Variants in CMSS1 observed in about 807,000 individuals in gnomAD.
CMSS1 encodes the protein cms1 ribosomal small subunit homolog.
Under a neutral mutation model 43.5 loss-of-function variants are expected in CMSS1, and 33 were observed. The ratio of observed to expected loss-of-function variants is 0.76; its 90% CI spans 0.57 to 1.01. The LOEUF is 1.01. Ranked by LOEUF, CMSS1 falls within the 50% of genes least tolerant of loss-of-function variation. The pLI is 0.00. For missense variants in CMSS1, 313 were observed against 326.4 expected (o/e 0.96, Z 0.32); for synonymous variants, 115 against 117.2 (o/e 0.98, Z 0.12).
intron 1 of CMSS1, among the ~76,000 whole-genome samples, chr3:99,894,142 C>T (rs1231237104): frequency 1.3e-5 from 2 of 152,116 alleles, no homozygotes; most frequent in Admixed American, 1.3e-4. Context: ...TGCTTTAAGA[C>T]AATTACAGCT....
intron 1 of CMSS1, among the ~76,000 whole-genome samples, chr3:100,049,113 T>G (rs1337803031): frequency 1.3e-5 from 2 of 152,240 alleles, no homozygotes; most frequent in African/African-American, 4.8e-5. Context: ...GTCTGACAAT[T>G]GCAAACAGTT....
At chr3:99,938,757 T>C (rs1379021115) in intron 1 of CMSS1, among the ~76,000 whole-genome samples, 3 of 152,188 alleles carry the variant, frequency 2.0e-5, no homozygotes, top group Non-Finnish European at 4.4e-5. Flanking sequence ...TAGCGCTCAG[T>C]TGCAGAACAG....
At chr3:99,989,092 T>C (rs1381807274) in intron 1 of CMSS1, among the ~76,000 whole-genome samples, 2 of 152,228 alleles carry the variant, frequency 1.3e-5, no homozygotes, top group Non-Finnish European at 2.9e-5. Flanking sequence ...TGTGATTCAC[T>C]CACAGTTCAT....
intron 1 of CMSS1, among the ~76,000 whole-genome samples, chr3:99,959,113 TA>T (rs1708421602): frequency 6.6e-6 from 1 of 152,236 alleles, no homozygotes; most frequent in South Asian, 2.1e-4. Context: ...ATTCATTGTG[TA>T]AATGTTCAAG....
At chr3:100,135,443 T>TGTGC (rs2066744729) in intron 1 of CMSS1, among the ~76,000 whole-genome samples, 3 of 51,136 alleles carry the variant, frequency 5.9e-5, no homozygotes, top group Admixed American at 3.9e-4. Context: ...TGTGCATGTG[T>TGTGC]GTGTGTGTGT....
intron 1 of CMSS1, among the ~76,000 whole-genome samples, chr3:100,082,198 A>G (rs1258064232): frequency 6.6e-6 from 1 of 152,238 alleles, no homozygotes; most frequent in Non-Finnish European, 1.5e-5. Flanking sequence ...CATTATTGCT[A>G]AAGAGTCATA....
intron 2 of CMSS1, among the ~76,000 whole-genome samples, chr3:100,151,797 C>A (rs566318294): frequency 6.6e-6 from 1 of 152,300 alleles, no homozygotes; most frequent in African/African-American, 2.4e-5. Flanking sequence ...TATACTCACC[C>A]CTCCAAGGAT....
intron 1 of CMSS1, among the ~76,000 whole-genome samples, chr3:100,031,869 C>T (rs1206317570): frequency 6.6e-6 from 1 of 152,148 alleles, no homozygotes; most frequent in Non-Finnish European, 1.5e-5. Context: ...GTAGTAACTA[C>T]TAAACTAGGT....
intron 1 of CMSS1, among the ~76,000 whole-genome samples, chr3:100,124,019 A>AT (rs1402511268): frequency 2.0e-5 from 3 of 152,108 alleles, no homozygotes; most frequent in African/African-American, 7.2e-5. Flanking sequence ...GAGAGGATAT[A>AT]TTTGTCAGGT....
chr3:99,912,457 G>C (rs932246770), intron 1 of CMSS1, among the ~76,000 whole-genome samples: 2 of 152,096 alleles, frequency 1.3e-5, no homozygotes, highest in African/African-American at 4.8e-5. Context: ...GCTTACTGCA[G>C]CCTTGACCTC....
intron 1 of CMSS1, among the ~76,000 whole-genome samples, chr3:99,928,219 C>T (rs899856153): frequency 2.0e-5 from 3 of 152,208 alleles, no homozygotes; most frequent in Non-Finnish European, 4.4e-5. Flanking sequence ...AGGCAGAATT[C>T]CCCTTCACTG....
intron 1 of CMSS1, among the ~76,000 whole-genome samples, chr3:100,129,570 T>A (rs1361555645): frequency 6.6e-6 from 1 of 152,214 alleles, no homozygotes; most frequent in East Asian, 1.9e-4. Context: ...TACTGCTGAT[T>A]AAGTTTGGGC....
At chr3:100,003,992 A>T (rs966219710) in intron 1 of CMSS1, among the ~76,000 whole-genome samples, 1 of 152,078 alleles carries the variant, frequency 6.6e-6, no homozygotes, top group African/African-American at 2.4e-5. Context: ...GTGTATATTG[A>T]TTTTTCTGTA....
chr3:100,157,044 C>T (rs2066982235), intron 2 of CMSS1, among the ~76,000 whole-genome samples: 2 of 152,138 alleles, frequency 1.3e-5, no homozygotes, highest in Non-Finnish European at 2.9e-5. Flanking sequence ...ACATGAGACA[C>T]CATGCCAAGC....
intron 1 of CMSS1, chr3:99,931,017 G>A (rs766701827): frequency 3.7e-5 from 60 of 1,612,732 alleles, no homozygotes; most frequent in Middle Eastern, 1.6e-4. Context: ...CCTCTGGAAC[G>A]CATTCTTTAA....
chr3:100,138,330 A>G (rs1179330725), intron 1 of CMSS1, among the ~76,000 whole-genome samples: 1 of 152,228 alleles, frequency 6.6e-6, no homozygotes, highest in Non-Finnish European at 1.5e-5. Context: ...ACAAAAGCCA[A>G]AATTGACAAA....
At chr3:99,938,832 CA>C (rs556271598) in intron 1 of CMSS1, among the ~76,000 whole-genome samples, 29 of 143,332 alleles carry the variant, frequency 2.0e-4, no homozygotes, top group Admixed American at 2.8e-4. Flanking sequence ...TGTGGTCTTT[CA>C]AAAAAAAAAA....
chr3:100,135,438 A>ATGTGTG (rs71132511), intron 1 of CMSS1, among the ~76,000 whole-genome samples: 2,218 of 120,760 alleles, frequency 0.018, 34 homozygotes, highest in Middle Eastern at 0.029. Context: ...GTGTGTGTGC[A>ATGTGTG]TGTGTGTGTG....
At position 100,147,026 on chromosome 3, in the gene CMSS1, G is replaced by A. The variant is rs764210947; in HGVS notation, c.118G>A (p.Val40Ile). The A allele has an allele frequency of 4.3e-6, 7 of 1,613,980 alleles. No individual in the cohort carries two copies. Among genetic ancestry groups the A allele is most frequent in the Non-Finnish European group, 2.5e-6 (3 of 1,179,894 alleles). The change falls in exon 2 of 10, where the codon GTT (valine) becomes ATT (isoleucine). Residue 40 changes from valine to isoleucine, a missense_variant. By Grantham distance (29) the Val-to-Ile change is conservative. Coordinates refer to ENST00000421999, the MANE Select transcript of CMSS1 (RefSeq NM_032359.4). ...CACAGAAGTGATGCAGCAGGAGACA[G>A]TTCCAGTTCCTGTACCTTCAGAGAA... is the stretch of plus-strand genomic sequence containing the variant. The part of the protein sequence containing the change: ...GDTEVMQQET[V>I]PVPVPSEKTK...
Sources: allele counts gnomAD v4.1 joint callset (sites outside exome capture counted in the v4.1 genomes callset), GRCh38; gene constraint gnomAD v4.1.1; transcripts MANE v1.5; gene names NCBI Gene and HGNC (gene_info 2026-07-23, HGNC 2026-07-21).